The following KIF24 variants were observed in gnomAD, a reference collection of about 807,000 sequenced individuals.
The protein encoded by KIF24 is kinesin-like protein KIF24.
Under a neutral mutation model 118.9 loss-of-function variants are expected in KIF24, and 81 were observed. The ratio of observed to expected loss-of-function variants is 0.68; its 90% CI spans 0.57 to 0.82. The LOEUF is 0.82. Ranked by LOEUF, KIF24 falls within the 40% of genes least tolerant of loss-of-function variation. KIF24 has a pLI of 0.00. For synonymous variants in KIF24, 599 were observed against 610.0 expected (o/e 0.98, Z 0.27); for missense variants, 1,560 against 1,661.6 (o/e 0.94, Z 1.06).
intron 6 of KIF24, among the ~76,000 whole-genome samples, chr9:34,280,324 C>G (rs1040903636): frequency 1.5e-4 from 21 of 143,936 alleles, no homozygotes; most frequent in Non-Finnish European, 2.8e-4. Flanking sequence ...AAGAACAGTG[C>G]CATAAACTCT....
chr9:34,269,488 T>C (rs921324014), intron 7 of KIF24, 126 bp from the exon 8 acceptor site: 4 of 408,704 alleles, frequency 9.8e-6, no homozygotes, highest in South Asian at 5.6e-5. Flanking sequence ...GGCGCGATTT[T>C]GGCTCACTGC....
chr9:34,265,685 G>C (rs999070990), intron 8 of KIF24, among the ~76,000 whole-genome samples: 1 of 151,842 alleles, frequency 6.6e-6, no homozygotes, highest in Admixed American at 6.6e-5. Context: ...TAAAAATCTT[G>C]AACTGAATTA....
At chr9:34,300,168 A>C (rs1836644080) in intron 3 of KIF24, among the ~76,000 whole-genome samples, 1 of 152,168 alleles carries the variant, frequency 6.6e-6, no homozygotes, top group African/African-American at 2.4e-5. Flanking sequence ...GTTAGAGAAA[A>C]AGTTACAAAG....
chr9:34,254,148 T>C lies in KIF24; in HGVS notation c.*232A>G. 2.4e-6 allele frequency: 1 copy of C among 412,022 alleles called. No individual in the cohort carries two copies. Among genetic ancestry groups the C allele is most frequent in the Non-Finnish European group, 4.3e-6 (1 of 233,116 alleles). The allele number at this position is 412,022 out of a possible 1,614,324, so 25.5% of individuals were successfully genotyped here. A position where few individuals can be genotyped will look rare whatever the true frequency, so the allele number is the denominator to read the frequency against. On this transcript the variant is annotated 3_prime_UTR_variant, in exon 13 of 13. Coordinates refer to ENST00000402558, the MANE Select transcript of KIF24 (RefSeq NM_194313.4). ...GGGAAAGGCATTAGGTTCTTCGGCC[T>C]GGCCCACCCTTGGAGGCACTCCTGT...
Position 34,329,228 on chromosome 9 carries a change from G to C in KIF24, c.-148C>G, listed in dbSNP as rs988094086. Reference sequence around the variant, plus strand: ...CCCGGGAGCCACCGGCGGCGGCCAGGCCGCATCTCCATGGCAACGCCGCCA... The same window carrying C: ...CCCGGGAGCCACCGGCGGCGGCCAGCCCGCATCTCCATGGCAACGCCGCCA... On this transcript the variant is annotated 5_prime_UTR_variant, in exon 1 of 13. Coordinates refer to ENST00000402558, the MANE Select transcript of KIF24 (RefSeq NM_194313.4). Among the ~76,000 whole-genome samples the C allele has an allele frequency of 6.6e-6, 1 of 152,250 alleles. No homozygotes were observed. The highest frequency in any genetic ancestry group is 6.5e-5 in the Admixed American group (1 of 15,294).
At chr9:34,324,288 T>C (rs1837607772) in intron 1 of KIF24, among the ~76,000 whole-genome samples, 1 of 152,192 alleles carries the variant, frequency 6.6e-6, no homozygotes. Context: ...TTATACCTCC[T>C]GACAAAATCT....
At chr9:34,330,765 TC>T (rs1251428285), upstream of KIF24, among the ~76,000 whole-genome samples, 2 of 152,062 alleles carry the variant, frequency 1.3e-5, no homozygotes, top group African/African-American at 4.8e-5. Flanking sequence ...ATCGAGACCA[TC>T]CTGGCTGACA....
intron 9 of KIF24, among the ~76,000 whole-genome samples, chr9:34,262,659 AAAAAAAAAAAAAAAAAATATATAT>A (rs1312748100): frequency 1.3e-4 from 5 of 37,898 alleles, no homozygotes; most frequent in Non-Finnish European, 2.6e-4. Context: ...AAAAAAAAAA[AAAAAAAAAAAAAAAAAATATATAT>A]ATATATATAT....
chr9:34,271,150 G>C (rs1017385727), intron 7 of KIF24, among the ~76,000 whole-genome samples: 3 of 152,026 alleles, frequency 2.0e-5, no homozygotes, highest in African/African-American at 7.2e-5. Context: ...ATTCTGATCT[G>C]TCAGTTGATG....
In KIF24 at chr9:34,310,866, A is replaced by G; in HGVS notation, c.481T>C (p.Ser161Pro). The G allele has an allele frequency of 1.2e-6, 2 of 1,614,014 alleles. No individual in the cohort carries two copies. The highest frequency in any genetic ancestry group is 1.7e-6 in the Non-Finnish European group (2 of 1,179,882). The change falls in exon 2 of 13, where the codon TCC (serine) becomes CCC (proline). Residue 161 changes from serine (S) to proline (P), a missense_variant. Coordinates refer to ENST00000402558, the MANE Select transcript of KIF24 (RefSeq NM_194313.4). ...GTGCTGATTTCTGTTTGCACATAGG[A>G]ATCACCAGCTGTGGCATTCAGAATT... is the stretch of plus-strand genomic sequence containing the variant. ...TGILNATAGDSYVQTEISTSL... is the reference protein window; with the variant it reads ...TGILNATAGDPYVQTEISTSL...
At chr9:34,280,283 C>CAAAAAAAA (rs56387532) in intron 6 of KIF24, among the ~76,000 whole-genome samples, 13 of 64,450 alleles carry the variant, frequency 2.0e-4, no homozygotes, top group African/African-American at 7.4e-4. Flanking sequence ...GACTCCGTCT[C>CAAAAAAAA]AAAAAAAAAA....
At chr9:34,273,051 T>C (rs1835561773) in intron 6 of KIF24, among the ~76,000 whole-genome samples, 1 of 152,060 alleles carries the variant, frequency 6.6e-6, no homozygotes, top group Non-Finnish European at 1.5e-5. Context: ...GAGGCTGCAG[T>C]GAGCTGTGAT....
upstream of KIF24, among the ~76,000 whole-genome samples, chr9:34,330,291 G>C (rs922362995): frequency 5.9e-5 from 9 of 152,202 alleles, no homozygotes; most frequent in African/African-American, 2.2e-4. Context: ...TATAGTCCCT[G>C]CTACTCGGGA....
intron 1 of KIF24, among the ~76,000 whole-genome samples, chr9:34,320,368 C>G (rs945680282): frequency 4.7e-5 from 7 of 149,402 alleles, no homozygotes; most frequent in Non-Finnish European, 8.9e-5. Flanking sequence ...AAGAAATAGG[C>G]TATAACCAGC....
intron 6 of KIF24, among the ~76,000 whole-genome samples, chr9:34,281,578 T>C (rs568816572): frequency 8.8e-4 from 134 of 152,324 alleles, no homozygotes; most frequent in African/African-American, 3.0e-3. Flanking sequence ...AAGCATTTGG[T>C]AGATAGTGCT....
intron 1 of KIF24, among the ~76,000 whole-genome samples, chr9:34,320,332 C>CAAAAAAAAA (rs66835823): frequency 9.4e-6 from 1 of 106,330 alleles, no homozygotes; most frequent in Non-Finnish European, 1.9e-5. Flanking sequence ...AATGTTCCAA[C>CAAAAAAAAA]AAAAAAAAAA....
intron 6 of KIF24, among the ~76,000 whole-genome samples, chr9:34,273,024 C>T (rs1835560984): frequency 6.6e-6 from 1 of 152,064 alleles, no homozygotes; most frequent in South Asian, 2.1e-4. Context: ...AGGAGGATCA[C>T]TTGAGCCCAG....
At chr9:34,321,214 A>T (rs908478483) in intron 1 of KIF24, among the ~76,000 whole-genome samples, 4 of 152,066 alleles carry the variant, frequency 2.6e-5, no homozygotes, top group African/African-American at 9.7e-5. Context: ...CTATTTCAAG[A>T]TGTTAAATAA....
intron 4 of KIF24, among the ~76,000 whole-genome samples, chr9:34,294,421 G>A (rs1366415172): frequency 5.3e-5 from 8 of 152,020 alleles, no homozygotes; most frequent in Non-Finnish European, 1.0e-4. Flanking sequence ...CCGGGTGTGG[G>A]ATTACAATCC....
Sources: allele counts gnomAD v4.1 joint callset (sites outside exome capture counted in the v4.1 genomes callset), GRCh38; gene constraint gnomAD v4.1.1; transcripts MANE v1.5; gene names NCBI Gene and HGNC (gene_info 2026-07-23, HGNC 2026-07-21).